Variants in ABCG5 observed in about 807,000 individuals in gnomAD.
The protein encoded by ABCG5 is ATP-binding cassette sub-family G member 5.
In ABCG5, 64 loss-of-function variants were observed where a neutral mutation model predicts 64.5. The observed-to-expected ratio is 0.99, with a 90% CI of 0.81 to 1.22. ABCG5 has a LOEUF of 1.22. Among genes scored for constraint, ABCG5 ranks in the 50% most tolerant of loss-of-function variants. The pLI, the probability that ABCG5 is intolerant of heterozygous loss-of-function variation, is 0.00. For missense variants in ABCG5, 908 were observed against 829.5 expected (o/e 1.09, Z -1.16); for synonymous variants, 385 against 326.3 (o/e 1.18, Z -1.94).
At chr2:43,813,693 T>G (rs553016982) in intron 12 of ABCG5, among the ~76,000 whole-genome samples, 3,090 of 139,690 alleles carry the variant, frequency 0.022, 122 homozygotes, top group African/African-American at 0.069. Flanking sequence ...TTGTTTTTTT[T>G]GGGGTTTTTT....
chr2:43,812,070 G>A (rs549984922), downstream of ABCG5, among the ~76,000 whole-genome samples: 9 of 151,352 alleles, frequency 5.9e-5, no homozygotes, highest in African/African-American at 2.2e-4. Flanking sequence ...TTAGAGACAG[G>A]GTCTTGCTCT....
intron 11 of ABCG5, among the ~76,000 whole-genome samples, chr2:43,815,926 AAG>A (rs1491437013): frequency 4.5e-4 from 67 of 147,752 alleles, no homozygotes; most frequent in African/African-American, 1.8e-3. Context: ...AAAAAAAAAA[AAG>A]GACCAGACTA....
intron 2 of ABCG5, among the ~76,000 whole-genome samples, chr2:43,833,892 C>A (rs1668101224): frequency 6.6e-6 from 1 of 151,972 alleles, no homozygotes; most frequent in Admixed American, 6.6e-5. Flanking sequence ...CCACGTTGGC[C>A]AGGCTGGTCT....
chr2:43,826,974 A>G (rs1667648485), intron 5 of ABCG5, among the ~76,000 whole-genome samples: 1 of 152,230 alleles, frequency 6.6e-6, no homozygotes, highest in South Asian at 2.1e-4. Context: ...CAAGGCCTGA[A>G]GTGTGGCAGG....
rs916708301 is a variant in ABCG5 at position 43,831,704 on chromosome 2, G to A, written c.501+65C>T. 16 of 1,448,096 alleles carry A rather than the reference G, an allele frequency of 1.1e-5. No homozygotes were observed. The African/African-American group carries it at 1.5e-4, about 14-fold the overall frequency. The allele number at this position is 1,448,096 out of a possible 1,614,324, so 89.7% of individuals were successfully genotyped here. On this transcript the variant is annotated intron_variant, in intron 4 of 12. Transcript: ENST00000405322. ...AGGAATGGGCAAGCGTAGGCGAAGA[G>A]AGGAGGGCAGCGGGGGGTGCAAAGG...
At chr2:43,830,612 C>G (rs1009571846) in intron 4 of ABCG5, among the ~76,000 whole-genome samples, 5 of 152,230 alleles carry the variant, frequency 3.3e-5, no homozygotes, top group Non-Finnish European at 7.3e-5. Context: ...AATTACTTAT[C>G]AGGATTTTAC....
chr2:43,838,487 C>T lies in ABCG5; in HGVS notation c.143+50G>A. 1 of 1,543,456 alleles carries T rather than the reference C, an allele frequency of 6.5e-7. No homozygotes were observed. The highest frequency in any genetic ancestry group is 8.8e-7 in the Non-Finnish European group (1 of 1,137,884). ...AAGAAAGGCAGCAGAGGGGTGAGCG[C>T]CGGGCCCCGCACTCCTGGGGGAGCA... On this transcript the variant is annotated intron_variant, in intron 1 of 12. Transcript: ENST00000405322. The surrounding 1 kb of genome is among the most constrained non-coding windows in gnomAD (Gnocchi z 4.2).
intron 2 of ABCG5, among the ~76,000 whole-genome samples, chr2:43,837,487 T>C (rs985219631): frequency 1.3e-5 from 2 of 152,180 alleles, no homozygotes; most frequent in African/African-American, 2.4e-5. Flanking sequence ...GAATCAAAGA[T>C]AGGGGCTTAA....
At chr2:43,834,744 G>A (rs1668155970) in intron 2 of ABCG5, among the ~76,000 whole-genome samples, 1 of 152,244 alleles carries the variant, frequency 6.6e-6, no homozygotes, top group Non-Finnish European at 1.5e-5. Context: ...AATCTGCAAA[G>A]AAGCATCTAA....
At chr2:43,828,470 TACAAAA>T (rs1667763672) in intron 4 of ABCG5, 1 of 72,732 alleles carries the variant, frequency 1.4e-5, no homozygotes, top group African/African-American at 1.7e-4. Flanking sequence ...ACCCTGTCTC[TACAAAA>T]AAAAAAAAAA....
At chr2:43,831,517 TAA>T (rs1257544405) in intron 4 of ABCG5, among the ~76,000 whole-genome samples, 2 of 152,196 alleles carry the variant, frequency 1.3e-5, no homozygotes, top group Non-Finnish European at 2.9e-5. Flanking sequence ...TTCCTCAGAC[TAA>T]GAGTCTGAAA....
intron 10 of ABCG5, chr2:43,822,498 G>C (rs537200026): frequency 1.1e-6 from 1 of 937,092 alleles, no homozygotes; most frequent in African/African-American, 1.9e-5. Context: ...ATGCACCTGG[G>C]TCCTAGCTAC....
chr2:43,823,144 T>G (rs1406639227), intron 9 of ABCG5, among the ~76,000 whole-genome samples: 1 of 152,150 alleles, frequency 6.6e-6, no homozygotes, highest in African/African-American at 2.4e-5. Flanking sequence ...TGCAATACAA[T>G]TGCAAAAGAT....
chr2:43,821,964 A>C (rs1170814850), intron 10 of ABCG5, among the ~76,000 whole-genome samples: 1 of 151,614 alleles, frequency 6.6e-6, no homozygotes, highest in African/African-American at 2.4e-5. Context: ...CCCTATCCCT[A>C]CCTTGGTCTA....
chr2:43,812,396 G>A (rs888659793), downstream of ABCG5: 1 of 145,150 alleles, frequency 6.9e-6, no homozygotes, highest in Admixed American at 7.2e-5. Context: ...GTGCCTATAA[G>A]TAAACTCAGC....
chr2:43,825,027 A>G lies in ABCG5; in HGVS notation c.775-9T>C, dbSNP rs201015371. ...GCAATTTTGTCAAAGAGCTGACCAGACAACAGACGTAGTTAGTGTGTGATC... is the reference window on the plus strand; with the variant it reads ...GCAATTTTGTCAAAGAGCTGACCAGGCAACAGACGTAGTTAGTGTGTGATC... On this transcript the variant is annotated splice_polypyrimidine_tract_variant and intron_variant, in intron 6 of 12. Transcript: ENST00000405322. 3.1e-6 allele frequency: 5 copies of G among 1,613,408 alleles called. No homozygotes were observed. The East Asian group carries it at 8.9e-5, about 29-fold the overall frequency.
chr2:43,835,043 G>C (rs1668177298), intron 2 of ABCG5, among the ~76,000 whole-genome samples: 1 of 152,172 alleles, frequency 6.6e-6, no homozygotes, highest in Admixed American at 6.5e-5. Context: ...GACCGACCCT[G>C]TTCTAGGTGA....
intron 11 of ABCG5, among the ~76,000 whole-genome samples, chr2:43,815,927 AG>A (rs1666791336): frequency 6.8e-6 from 1 of 146,850 alleles, no homozygotes; most frequent in African/African-American, 2.7e-5. Flanking sequence ...AAAAAAAAAA[AG>A]GACCAGACTA....
intron 7 of ABCG5, 155 bp downstream of exon 7, chr2:43,824,734 G>A: frequency 1.1e-6 from 1 of 926,054 alleles, no homozygotes; most frequent in Non-Finnish European, 1.3e-6. Context: ...TCTCTGGCAA[G>A]TTCATTGACC....
Sources: allele counts gnomAD v4.1 joint callset (sites outside exome capture counted in the v4.1 genomes callset), GRCh38; gene constraint gnomAD v4.1.1; non-coding constraint Gnocchi (gnomAD v3.1); transcripts MANE v1.5; gene names NCBI Gene and HGNC (gene_info 2026-07-23, HGNC 2026-07-21).